The following ASPH variants were observed in gnomAD, a reference collection of about 807,000 sequenced individuals.
ASPH encodes aspartyl/asparaginyl beta-hydroxylase.
Under a neutral mutation model 118.4 loss-of-function variants are expected in ASPH, and 100 were observed. The ratio of observed to expected loss-of-function variants is 0.84; its 90% CI spans 0.72 to 1.00. The LOEUF (loss-of-function observed/expected upper bound fraction) is 1.00. ASPH is among the 50% of genes least tolerant of loss of function. The probability of loss-of-function intolerance (pLI) is 0.00; values close to 1 mark genes in which losing one functional copy is unlikely to be tolerated. For missense variants in ASPH, 920 were observed against 919.5 expected, an observed-to-expected ratio of 1.00 and a Z score of -0.01; for synonymous variants, 315 against 325.6, an observed-to-expected ratio of 0.97 and a Z score of 0.35.
At chr8:61,609,018 T>C (rs1328910358) in intron 14 of ASPH, among the ~76,000 whole-genome samples, 1 of 152,160 alleles carries the variant, frequency 6.6e-6, no homozygotes, top group Non-Finnish European at 1.5e-5. Context: ...TAGCAGTTAA[T>C]TATCCGTACA....
At chr8:61,604,064 A>G (rs1005533672) in intron 14 of ASPH, among the ~76,000 whole-genome samples, 1 of 152,270 alleles carries the variant, frequency 6.6e-6, no homozygotes, top group African/African-American at 2.4e-5. Context: ...AAGGCTAAAC[A>G]GGTGGCTTAC....
chr8:61,546,472 A>T (rs1223313972), intron 21 of ASPH, among the ~76,000 whole-genome samples: 1 of 152,208 alleles, frequency 6.6e-6, no homozygotes, highest in Non-Finnish European at 1.5e-5. Flanking sequence ...AAAACAAAAC[A>T]AAAAAACCCG....
chr8:61,642,548 A>T (rs1319694165), intron 10 of ASPH, among the ~76,000 whole-genome samples: 1 of 152,216 alleles, frequency 6.6e-6, no homozygotes, highest in Non-Finnish European at 1.5e-5. Flanking sequence ...TATATTTTAA[A>T]ACAAGAAGGT....
intron 1 of ASPH, among the ~76,000 whole-genome samples, chr8:61,692,403 C>T (rs994105874): frequency 3.3e-5 from 5 of 152,088 alleles, no homozygotes; most frequent in African/African-American, 1.2e-4. Flanking sequence ...TTAGCAAACG[C>T]AACTAAAATG....
At chr8:61,694,509 C>T (rs188616120) in intron 1 of ASPH, among the ~76,000 whole-genome samples, 5 of 152,306 alleles carry the variant, frequency 3.3e-5, no homozygotes, top group East Asian at 1.9e-4. Flanking sequence ...TTAAACCCAA[C>T]GCAAAACTTT....
At chr8:61,680,803 G>C (rs542773210) in intron 3 of ASPH, 165 bp downstream of exon 3, 210 of 467,254 alleles carry the variant, frequency 4.5e-4, no homozygotes, top group Middle Eastern at 2.8e-3. Context: ...ATGAAAGAGT[G>C]TGGAAAAATA....
chr8:61,625,078 T>C (rs1220801141), intron 13 of ASPH: 1 of 985,670 alleles, frequency 1.0e-6, no homozygotes, highest in Non-Finnish European at 1.2e-6. Flanking sequence ...AATCAAGAGC[T>C]ACCCCTAATA....
At chr8:61,706,629 T>C (rs1035112334) in intron 1 of ASPH, among the ~76,000 whole-genome samples, 4 of 152,132 alleles carry the variant, frequency 2.6e-5, no homozygotes, top group Non-Finnish European at 5.9e-5. Flanking sequence ...AATTCTCAAA[T>C]ATTTTTCATG....
intron 13 of ASPH, chr8:61,626,086 T>C: frequency 1.6e-6 from 2 of 1,246,082 alleles, no homozygotes; most frequent in Non-Finnish European, 2.0e-6. Context: ...AAATGTGTGT[T>C]TCTAAAAAGA....
intron 3 of ASPH, among the ~76,000 whole-genome samples, chr8:61,674,625 A>T (rs1824340890): frequency 6.6e-6 from 1 of 152,186 alleles, no homozygotes; most frequent in African/African-American, 2.4e-5. Flanking sequence ...ACACAGGTAA[A>T]TGGTGGGCAG....
chr8:61,551,070 G>C (rs1421526372), intron 20 of ASPH, among the ~76,000 whole-genome samples: 1 of 152,172 alleles, frequency 6.6e-6, no homozygotes, highest in Non-Finnish European at 1.5e-5. Context: ...CACTGAGCTG[G>C]CAGTAGACAT....
intron 14 of ASPH, among the ~76,000 whole-genome samples, chr8:61,593,207 T>G (rs939622018): frequency 4.1e-5 from 6 of 146,704 alleles, no homozygotes; most frequent in African/African-American, 1.7e-4. Flanking sequence ...GGCAGGAGCC[T>G]TTGTTTGTAT....
intron 19 of ASPH, 37 bp from the exon 20 acceptor site, chr8:61,553,157 TA>T (rs1429063109): frequency 2.1e-6 from 3 of 1,455,196 alleles, no homozygotes; most frequent in Admixed American, 3.5e-5. Flanking sequence ...GTAAAATAAT[TA>T]AATACCAGAT....
chr8:61,650,857 C>T (rs573097944), intron 5 of ASPH, among the ~76,000 whole-genome samples, 193 bp downstream of exon 5: 8 of 152,142 alleles, frequency 5.3e-5, no homozygotes, highest in South Asian at 2.1e-4. Flanking sequence ...AGTTCCTCCA[C>T]GGTGAAGTAG....
At chr8:61,590,053 TTTTTG>T (rs984050187) in intron 14 of ASPH, among the ~76,000 whole-genome samples, 1 of 152,098 alleles carries the variant, frequency 6.6e-6, no homozygotes, top group African/African-American at 2.4e-5. Context: ...TTTTTTGGTT[TTTTTG>T]TTTTGTTTTT....
At chr8:61,614,098 A>G (rs1848283027) in intron 14 of ASPH, among the ~76,000 whole-genome samples, 1 of 152,132 alleles carries the variant, frequency 6.6e-6, no homozygotes, top group South Asian at 2.1e-4. Flanking sequence ...TTCTAGCGCC[A>G]TCTGGTGTTT....
chr8:61,588,516 C>A (rs1176317699), intron 14 of ASPH, among the ~76,000 whole-genome samples: 1 of 152,176 alleles, frequency 6.6e-6, no homozygotes, highest in Non-Finnish European at 1.5e-5. Flanking sequence ...GTCCTATACC[C>A]ATTCCACTGA....
intron 21 of ASPH, 72 bp from the exon 22 acceptor site, chr8:61,526,184 T>G: frequency 6.4e-7 from 1 of 1,569,934 alleles, no homozygotes; most frequent in Non-Finnish European, 8.6e-7. Flanking sequence ...ACTCTTGTTT[T>G]TTTTGAGGTT....
intron 21 of ASPH, among the ~76,000 whole-genome samples, chr8:61,535,351 G>A (rs1376005786): frequency 6.6e-6 from 1 of 152,188 alleles, no homozygotes; most frequent in Non-Finnish European, 1.5e-5. Flanking sequence ...ACACAGTTTT[G>A]AAGAAATGCA....
Sources: gnomAD v4.1 joint callset for allele counts (sites outside exome capture counted in the v4.1 genomes callset) on GRCh38, gnomAD v4.1.1 for gene constraint, MANE v1.5 for transcripts, NCBI Gene and HGNC (gene_info 2026-07-23, HGNC 2026-07-21) for gene names.